Variants in SPATA16 observed in about 807,000 individuals in gnomAD.
The protein encoded by SPATA16 is spermatogenesis-associated protein 16.
A neutral mutation model predicts 63.3 loss-of-function variants in SPATA16; 36 were observed. That is an observed-to-expected ratio of 0.57 (90% CI 0.44 to 0.75). The LOEUF is 0.75. Ranked by LOEUF, SPATA16 falls within the 30% of genes least tolerant of loss-of-function variation. The pLI, the probability that SPATA16 is intolerant of heterozygous loss-of-function variation, is 0.00. For missense variants in SPATA16, 646 were observed against 679.3 expected, an observed-to-expected ratio of 0.95 and a Z score of 0.54; for synonymous variants, 203 against 216.7, an observed-to-expected ratio of 0.94 and a Z score of 0.56.
intron 6 of SPATA16, among the ~76,000 whole-genome samples, chr3:172,949,791 A>C (rs777520838): frequency 1.3e-5 from 2 of 152,050 alleles, no homozygotes; most frequent in African/African-American, 2.4e-5. Flanking sequence ...GACCATCAAG[A>C]ATGACAGTGG....
intron 2 of SPATA16, among the ~76,000 whole-genome samples, chr3:173,073,840 G>C (rs1000927135): frequency 6.6e-6 from 1 of 152,202 alleles, no homozygotes; most frequent in Non-Finnish European, 1.5e-5. Flanking sequence ...CGTGCTCCTG[G>C]AAAAGCTGCA....
chr3:173,030,825 C>G (rs1285714024), intron 3 of SPATA16, among the ~76,000 whole-genome samples: 4 of 151,986 alleles, frequency 2.6e-5, no homozygotes, highest in Non-Finnish European at 5.9e-5. Context: ...GTAGAAGCAA[C>G]CCAACGTCCA....
chr3:173,042,311 TC>T (rs749552109), intron 3 of SPATA16, among the ~76,000 whole-genome samples: 4 of 152,242 alleles, frequency 2.6e-5, no homozygotes, highest in Non-Finnish European at 5.9e-5. Context: ...GGCCTCTCCC[TC>T]CCGGGTTCAA....
chr3:172,964,617 A>G (rs1260951324), intron 5 of SPATA16, among the ~76,000 whole-genome samples: 1 of 152,074 alleles, frequency 6.6e-6, no homozygotes, highest in Non-Finnish European at 1.5e-5. Context: ...CTTTTTTGTC[A>G]TTGTGCATTT....
At chr3:173,034,633 AAAT>A (rs1303026530) in intron 3 of SPATA16, among the ~76,000 whole-genome samples, 2 of 152,122 alleles carry the variant, frequency 1.3e-5, no homozygotes, top group Admixed American at 6.6e-5. Flanking sequence ...TTCCTTTGCT[AAAT>A]TAACAGAATT....
intron 4 of SPATA16, among the ~76,000 whole-genome samples, chr3:173,007,884 T>A (rs1297073798): frequency 1.3e-5 from 2 of 152,156 alleles, no homozygotes; most frequent in Non-Finnish European, 2.9e-5. Flanking sequence ...GCTCAGCCTT[T>A]ACCCTTAAGC....
intron 5 of SPATA16, 32 bp from the exon 6 acceptor site, chr3:172,956,856 A>G (rs778158832): frequency 6.2e-7 from 1 of 1,612,530 alleles, no homozygotes; most frequent in Admixed American, 1.7e-5. Context: ...ATTTGGCATC[A>G]ATAACAATAT....
At chr3:173,026,892 A>G (rs965975645) in intron 3 of SPATA16, among the ~76,000 whole-genome samples, 2 of 151,744 alleles carry the variant, frequency 1.3e-5, no homozygotes, top group African/African-American at 2.4e-5. Context: ...CCCCTCTAAC[A>G]TTGTTTGGAC....
At chr3:172,974,821 C>A (rs1234464648) in intron 5 of SPATA16, among the ~76,000 whole-genome samples, 1 of 152,042 alleles carries the variant, frequency 6.6e-6, no homozygotes, top group African/African-American at 2.4e-5. Context: ...TCCTCACTTT[C>A]CAGTTGAAGC....
Position 172,971,943 on chromosome 3 carries a change from C to G in SPATA16, c.933+5025G>C, listed in dbSNP as rs763266222. On this transcript the variant is annotated intron_variant, in intron 5 of 10. Transcript: ENST00000351008. ...GAGTCTTAGCCTGTGGTCTGTGAAC[C>G]CTGAAGTCCATAGAAAGGCGTTAGG... Among the ~76,000 whole-genome samples the G allele has an allele frequency of 2.6e-4, 40 of 152,098 alleles. 1 individual carries two copies. Among genetic ancestry groups the G allele is most frequent in the South Asian group, 8.3e-4 (4 of 4,818 alleles).
intron 3 of SPATA16, among the ~76,000 whole-genome samples, chr3:173,036,798 T>C (rs905076489): frequency 2.6e-5 from 4 of 152,068 alleles, no homozygotes; most frequent in African/African-American, 9.6e-5. Context: ...AGCTTTCTTT[T>C]ATGAAATCAC....
intron 2 of SPATA16, among the ~76,000 whole-genome samples, chr3:173,074,384 G>A (rs1411361422): frequency 2.0e-5 from 3 of 152,132 alleles, no homozygotes; most frequent in Admixed American, 6.5e-5. Context: ...ATTCCCACAT[G>A]TGGGAGGGAC....
Position 172,938,448 on chromosome 3 carries a change from T to C in SPATA16, c.1082-12956A>G, listed in dbSNP as rs1424434729. Among the ~76,000 whole-genome samples, 3 of 152,216 alleles carry C rather than the reference T, an allele frequency of 2.0e-5. No homozygotes were observed. The East Asian group carries it at 5.8e-4, about 29-fold the overall frequency. ...ATAAATAGATGGACATTGACGAGGA[T>C]GAAACAAAAGTCTTAATACAGCACT... is the stretch of plus-strand genomic sequence containing the variant. On this transcript the variant is annotated intron_variant, in intron 6 of 10. Coordinates refer to ENST00000351008, the MANE Select transcript of SPATA16 (RefSeq NM_031955.6).
At chr3:173,092,663 T>C (rs772819722) in intron 2 of SPATA16, among the ~76,000 whole-genome samples, 4 of 152,096 alleles carry the variant, frequency 2.6e-5, no homozygotes, top group Non-Finnish European at 5.9e-5. Context: ...ACCCAAGGAA[T>C]TTAACCCTGC....
chr3:172,898,497 A>G (rs1413161254), intron 10 of SPATA16, among the ~76,000 whole-genome samples: 1 of 151,964 alleles, frequency 6.6e-6, no homozygotes, highest in African/African-American at 2.4e-5. Context: ...AAATTTATAT[A>G]TGTAGAATTG....
chr3:172,922,356 G>A (rs1732631388), intron 8 of SPATA16, among the ~76,000 whole-genome samples: 1 of 152,188 alleles, frequency 6.6e-6, no homozygotes, highest in South Asian at 2.1e-4. Context: ...CTCAATATGA[G>A]AAGACTGAGT....
intron 5 of SPATA16, among the ~76,000 whole-genome samples, chr3:172,968,386 G>A (rs1733967346): frequency 6.6e-6 from 1 of 152,170 alleles, no homozygotes; most frequent in Non-Finnish European, 1.5e-5. Context: ...TTCACACTGA[G>A]GCAAAGCAAT....
chr3:173,093,804 A>G (rs1004246142), intron 2 of SPATA16, among the ~76,000 whole-genome samples: 2 of 152,210 alleles, frequency 1.3e-5, no homozygotes, highest in Non-Finnish European at 2.9e-5. Context: ...AAATTCTTTT[A>G]CAGCTCAGTA....
At chr3:172,925,584 A>G (rs1288759256) in intron 6 of SPATA16, 92 bp from the exon 7 acceptor site, 5 of 1,472,082 alleles carry the variant, frequency 3.4e-6, no homozygotes, top group Non-Finnish European at 1.9e-6. Context: ...TTGTACTTGG[A>G]AAAAATAATA....
Sources: allele counts gnomAD v4.1 joint callset (sites outside exome capture counted in the v4.1 genomes callset), GRCh38; gene constraint gnomAD v4.1.1; transcripts MANE v1.5; gene names NCBI Gene and HGNC (gene_info 2026-07-23, HGNC 2026-07-21).